Variants in SELE observed in about 807,000 individuals in gnomAD.
SELE encodes selectin E, also known as E-selectin.
A neutral mutation model predicts 75.8 loss-of-function variants in SELE; 52 were observed. The observed-to-expected ratio is 0.69, with a 90% CI of 0.55 to 0.86. The LOEUF (loss-of-function observed/expected upper bound fraction) is 0.86, where lower values mean the gene tolerates loss of function less well. Among genes scored for constraint, SELE ranks in the 40% least tolerant of loss-of-function variants. The pLI, the probability that SELE is intolerant of heterozygous loss-of-function variation, is 0.00. For missense variants in SELE, 754 were observed against 732.7 expected, an observed-to-expected ratio of 1.03 and a Z score of -0.34; for synonymous variants, 285 against 258.7, an observed-to-expected ratio of 1.10 and a Z score of -0.98.
At chr1:169,727,292 A>T in intron 10 of SELE, 57 bp downstream of exon 10, 1 of 1,549,902 alleles carries the variant, frequency 6.5e-7, no homozygotes, top group Non-Finnish European at 8.8e-7. Flanking sequence ...CTGTAACAAG[A>T]TAGCTCCCCC....
In SELE at chr1:169,722,816, G is replaced by A. The variant is rs1372811902; in HGVS notation, c.*1709C>T. ...TTTCACACAGCTAATTTCTAATGCA[G>A]TTTACATAAATATTTACAACACTTA... On this transcript the variant is annotated 3_prime_UTR_variant, in exon 14 of 14. Transcript: ENST00000333360. The A allele has an allele frequency of 6.6e-6, 1 of 152,154 alleles. No individual in the cohort carries two copies. The highest frequency in any genetic ancestry group is 2.4e-5 in the African/African-American group (1 of 41,432). 9.4% of individuals were successfully genotyped at this position (152,154 alleles called of 1,614,324 possible).
intron 4 of SELE, chr1:169,731,406 C>T (rs891853427): frequency 1.9e-5 from 3 of 158,100 alleles, no homozygotes; most frequent in Non-Finnish European, 4.2e-5. Context: ...AGCCAGAGGC[C>T]AGAGCATGAA....
At chr1:169,727,953 G>T in intron 8 of SELE, 26 bp from the exon 9 acceptor site, 1 of 1,602,248 alleles carries the variant, frequency 6.2e-7, no homozygotes. Flanking sequence ...GAGCACTTTA[G>T]AAGTTTGTTT....
Position 169,729,198 on chromosome 1 carries a change from G to A in SELE, c.1078C>T (p.Pro360Ser). The part of the protein sequence containing the change: ...TTQGQWTQQI[P>S]VCEAFQCTAL... ...ATCTCAAGCTTACCTTCACAAACTG[G>A]GATTTGCTGTGTCCACTGCCCTTGA... Residue 360 changes from proline to serine, a missense_variant, in exon 7 of 14, where the codon CCA becomes TCA. By Grantham distance (74) the Pro-to-Ser change is moderately conservative. Coordinates refer to ENST00000333360, the MANE Select transcript of SELE (RefSeq NM_000450.2). The A allele has an allele frequency of 6.2e-7, 1 of 1,605,506 alleles. No individual in the cohort carries two copies. The highest frequency in any genetic ancestry group is 8.5e-7 in the Non-Finnish European group (1 of 1,174,798).
chr1:169,727,069 A>T (rs1648791091), intron 10 of SELE, among the ~76,000 whole-genome samples: 1 of 152,136 alleles, frequency 6.6e-6, no homozygotes, highest in Non-Finnish European at 1.5e-5. Flanking sequence ...GTTAATAAAC[A>T]CTGCACTTGC....
chr1:169,728,174 A>C lies in SELE; in HGVS notation c.1163T>G (p.Phe388Cys), dbSNP rs1648823486. 6.2e-7 allele frequency: 1 copy of C among 1,614,094 alleles called. No homozygotes were observed. Among genetic ancestry groups the C allele is most frequent in the Admixed American group, 1.7e-5 (1 of 60,010 alleles). Residue 388 changes from phenylalanine to cysteine, a missense_variant, in exon 8 of 14, where the codon TTC becomes TGC. Transcript: ENST00000333360. ...GAACTCACAGCTGGACCCATAACGG[A>C]AACTGCCAGAAGCACTAGGAAGACA... Reference protein sequence around the residue: ...MNCLPSASGSFRYGSSCEFSC... With the variant: ...MNCLPSASGSCRYGSSCEFSC...
In SELE at chr1:169,732,772, T is replaced by C. The variant is rs527256407; in HGVS notation, c.264A>G (p.Lys88=). Residue 88 remains lysine (K), a synonymous_variant, in exon 3 of 14, where the codon AAA becomes AAG. Coordinates refer to ENST00000333360, the MANE Select transcript of SELE (RefSeq NM_000450.2). The part of the protein sequence containing the change: ...NNVWVWVGTQ[K]PLTEEAKNWA... ...AGTTCTTGGCTTCTTCTGTCAGAGGTTTCTGGGTTCCTACCCAGACCCACA... is the reference window on the plus strand; with the variant it reads ...AGTTCTTGGCTTCTTCTGTCAGAGGCTTCTGGGTTCCTACCCAGACCCACA... 6.2e-7 allele frequency: 1 copy of C among 1,614,120 alleles called. No homozygotes were observed. The highest frequency in any genetic ancestry group is 1.7e-5 in the Admixed American group (1 of 60,012).
chr1:169,732,391 CAT>C (rs1286594964), intron 3 of SELE, among the ~76,000 whole-genome samples: 4 of 146,786 alleles, frequency 2.7e-5, no homozygotes, highest in Non-Finnish European at 4.5e-5. Context: ...TACACACACA[CAT>C]ATATGTGTGT....
At position 169,733,640 on chromosome 1, in the gene SELE, G is replaced by A. The variant is rs1648974002; in HGVS notation, c.-28C>T. On this transcript the variant is annotated 5_prime_UTR_variant, in exon 2 of 14. Coordinates refer to ENST00000333360, the MANE Select transcript of SELE (RefSeq NM_000450.2). ...CTTCAAGAGTTCTTTTCACCCAAAG[G>A]TTTAGGCTTGAAATACTTTCCTGGG... The A allele has an allele frequency of 6.2e-7, 1 of 1,611,344 alleles. No individual in the cohort carries two copies. The highest frequency in any genetic ancestry group is 8.5e-7 in the Non-Finnish European group (1 of 1,177,618).
At chr1:169,731,305 C>A (rs916804000) in intron 4 of SELE, among the ~76,000 whole-genome samples, 1 of 152,140 alleles carries the variant, frequency 6.6e-6, no homozygotes, top group African/African-American at 2.4e-5. Context: ...TGGAGAGAAG[C>A]TCATCTAACT....
chr1:169,730,588 CAG>C lies in SELE; in HGVS notation c.557_558del (p.Pro186ArgfsTer25). On this transcript the variant is annotated frameshift_variant, in exon 5 of 14. Coordinates refer to ENST00000333360, the MANE Select transcript of SELE (RefSeq NM_000450.2). LOFTEE classifies it high-confidence loss of function. ...QIVNCTALES[P>X]EHGSLVCSHP... is the part of the protein sequence containing the mutation. ...TGACTGCAAACCAGGCTTCCATGCTCAGGGGATTCCAGGGCTGTACAGTTCAC... is the reference window on the plus strand; with the variant it reads ...TGACTGCAAACCAGGCTTCCATGCTCGGGATTCCAGGGCTGTACAGTTCAC... 6.2e-7 allele frequency: 1 copy of C among 1,613,850 alleles called. No homozygotes were observed. Among genetic ancestry groups the C allele is most frequent in the Non-Finnish European group, 8.5e-7 (1 of 1,179,918 alleles).
At chr1:169,725,871 G>A (rs777536188) in intron 12 of SELE, 36 bp downstream of exon 12, 13 of 1,613,894 alleles carry the variant, frequency 8.1e-6, no homozygotes, top group South Asian at 1.1e-5. Context: ...TATGTGGAAT[G>A]TTCAATGGCA....
chr1:169,733,433 C>T, intron 2 of SELE, 143 bp downstream of exon 2: 1 of 792,248 alleles, frequency 1.3e-6, no homozygotes, highest in African/African-American at 1.7e-5. Context: ...GACCCCAAGC[C>T]CAGGGAAGAA....
chr1:169,728,501 G>T (rs1462976240), intron 7 of SELE, among the ~76,000 whole-genome samples: 2 of 152,150 alleles, frequency 1.3e-5, no homozygotes, highest in Non-Finnish European at 2.9e-5. Flanking sequence ...AATAAATTAT[G>T]GTCCAAGGAA....
At chr1:169,727,995 C>T (rs1434845114) in intron 8 of SELE, 63 bp downstream of exon 8, 1 of 1,585,516 alleles carries the variant, frequency 6.3e-7, no homozygotes, top group Non-Finnish European at 8.6e-7. Flanking sequence ...CCAAGGTAAC[C>T]AAGTTCCCAA....
Position 169,729,167 on chromosome 1 carries a change from C to T in SELE, c.1090+19G>A, listed in dbSNP as rs370756911. The T allele has an allele frequency of 3.2e-6, 5 of 1,565,482 alleles. No individual in the cohort carries two copies. The highest frequency in any genetic ancestry group is 1.8e-5 in the Admixed American group (1 of 54,096). ...GGTTGTTCTTTAAGAAAGTATAAAT[C>T]GAAGGATCTCAAGCTTACCTTCACA... On this transcript the variant is annotated intron_variant, in intron 7 of 13. Coordinates refer to ENST00000333360, the MANE Select transcript of SELE (RefSeq NM_000450.2).
chr1:169,726,571 C>T (rs55860438), intron 11 of SELE, 128 bp downstream of exon 11: 2 of 716,834 alleles, frequency 2.8e-6, no homozygotes, highest in Admixed American at 4.9e-5. Context: ...AATACTTCTG[C>T]TTAATTATAC....
intron 10 of SELE, 122 bp downstream of exon 10, chr1:169,727,227 A>G: frequency 9.5e-7 from 1 of 1,054,338 alleles, no homozygotes; most frequent in Non-Finnish European, 1.4e-6. Context: ...CTTAATATTC[A>G]CAACTTGTCA....
chr1:169,727,753 A>G lies in SELE; in HGVS notation c.1454T>C (p.Val485Ala), dbSNP rs1648810966. 1 of 1,613,858 alleles carries G rather than the reference A, an allele frequency of 6.2e-7. No homozygotes were observed. Among genetic ancestry groups the G allele is most frequent in the East Asian group, 2.2e-5 (1 of 44,880 alleles). Residue 485 changes from valine to alanine, a missense_variant, in exon 9 of 14, where the codon GTT becomes GCT. By Grantham distance (64) the Val-to-Ala change is moderately conservative. Transcript: ENST00000333360. ...CTCAATTCTACCTTGGCAGGAAGGA[A>G]CCTCTTCTGTCCATTGTCCCTGAGA... ...CTSQGQWTEE[V>A]PSCQVVKCSS...
Sources: gnomAD v4.1 joint callset for allele counts (sites outside exome capture counted in the v4.1 genomes callset) on GRCh38, gnomAD v4.1.1 for gene constraint, MANE v1.5 for transcripts, NCBI Gene and HGNC (gene_info 2026-07-23, HGNC 2026-07-21) for gene names.